MBTD1: variants seen among roughly 807,000 people sequenced by gnomAD.
MBTD1 encodes the protein MBT domain-containing protein 1.
In MBTD1, 24 loss-of-function variants were observed where a neutral mutation model predicts 87.8. That is an observed-to-expected ratio of 0.27 (90% CI 0.20 to 0.38). MBTD1 has a LOEUF of 0.38. Ranked by LOEUF, MBTD1 falls within the 10% of genes least tolerant of loss-of-function variation. MBTD1 has a pLI of 1.00. For synonymous variants in MBTD1, 237 were observed against 248.6 expected (o/e 0.95, Z 0.44); for missense variants, 436 against 760.2 (o/e 0.57, Z 5.02).
At chr17:51,196,259 C>T (rs1433970405) in intron 12 of MBTD1, among the ~76,000 whole-genome samples, 4 of 146,594 alleles carry the variant, frequency 2.7e-5, no homozygotes, top group Non-Finnish European at 6.0e-5. Context: ...GAGTTTCCCT[C>T]GTCACCTAGG....
intron 2 of MBTD1, among the ~76,000 whole-genome samples, chr17:51,243,636 T>G (rs1010342920): frequency 6.6e-6 from 1 of 152,150 alleles, no homozygotes; most frequent in Non-Finnish European, 1.5e-5. Flanking sequence ...AAGACCAGGA[T>G]CACATAAAAA....
intron 4 of MBTD1, among the ~76,000 whole-genome samples, chr17:51,219,577 G>T (rs2052768260): frequency 6.6e-6 from 1 of 152,148 alleles, no homozygotes; most frequent in Non-Finnish European, 1.5e-5. Context: ...TTTAGGTACT[G>T]TCTATCTGAA....
intron 2 of MBTD1, among the ~76,000 whole-genome samples, chr17:51,244,801 C>T (rs979453399): frequency 1.3e-5 from 2 of 152,176 alleles, no homozygotes; most frequent in African/African-American, 2.4e-5. Context: ...TATACCTATG[C>T]TGCTCCAGCC....
Position 51,177,812 on chromosome 17 carries a change from AT to A in MBTD1, c.*2763del, listed in dbSNP as rs1450424528. ...AAATGACTGTGGCTTTATTTAAAATATGAAAATCAAAGGAAGAAACCCAGTT... is the reference window on the plus strand; with the variant it reads ...AAATGACTGTGGCTTTATTTAAAATAGAAAATCAAAGGAAGAAACCCAGTT... On this transcript the variant is annotated 3_prime_UTR_variant, in exon 17 of 17. Coordinates refer to ENST00000586178, the MANE Select transcript of MBTD1 (RefSeq NM_017643.3). 9 of 152,202 alleles carry A rather than the reference AT, an allele frequency of 5.9e-5. No individual in the cohort carries two copies. Among genetic ancestry groups the A allele is most frequent in the African/African-American group, 2.4e-5 (1 of 41,458 alleles). 9.4% of individuals were successfully genotyped at this position (152,202 alleles called of 1,614,324 possible).
intron 2 of MBTD1, among the ~76,000 whole-genome samples, chr17:51,227,102 T>C (rs1247173910): frequency 6.6e-6 from 1 of 151,614 alleles, no homozygotes; most frequent in Admixed American, 6.6e-5. Flanking sequence ...ATTAGTTGGG[T>C]GTGGTGCCAG....
intron 2 of MBTD1, among the ~76,000 whole-genome samples, chr17:51,234,940 C>T (rs540045295): frequency 6.6e-6 from 1 of 152,270 alleles, no homozygotes; most frequent in Admixed American, 6.5e-5. Context: ...AGGTGATCTG[C>T]CCACCTTGGC....
chr17:51,249,097 A>AC lies in MBTD1; in HGVS notation c.-49+10045_-49+10046insG, dbSNP rs111568975. Among the ~76,000 whole-genome samples the AC allele has an allele frequency of 1.5e-4, 22 of 151,008 alleles. 1 individual carries two copies. The highest frequency in any genetic ancestry group is 5.3e-4 in the African/African-American group (22 of 41,334). The stretch of plus-strand genomic sequence containing the variant: ...GAGACTTCGTCTCTACAATAAGCAA[A>AC]AAAAAAAAAAAAATTAGCTGGGCAT... On this transcript the variant is annotated intron_variant, in intron 2 of 16. Coordinates refer to ENST00000586178, the MANE Select transcript of MBTD1 (RefSeq NM_017643.3).
At chr17:51,185,446 C>T (rs537731176) in intron 16 of MBTD1, 1 of 152,212 alleles carries the variant, frequency 6.6e-6, no homozygotes, top group Non-Finnish European at 1.5e-5. Context: ...ACCAATTACA[C>T]TCGAATCAAA....
intron 16 of MBTD1, chr17:51,184,254 G>A (rs1344796071): frequency 2.6e-5 from 4 of 152,192 alleles, no homozygotes; most frequent in Admixed American, 2.6e-4. Context: ...AATGATGGAT[G>A]AAATAAAACA....
At chr17:51,246,915 C>T (rs766151640) in intron 2 of MBTD1, among the ~76,000 whole-genome samples, 1 of 152,108 alleles carries the variant, frequency 6.6e-6, no homozygotes, top group Admixed American at 6.6e-5. Flanking sequence ...GCTGGGATTA[C>T]AGGTGTGAGT....
intron 2 of MBTD1, among the ~76,000 whole-genome samples, chr17:51,252,219 C>T (rs1355919969): frequency 2.6e-5 from 4 of 151,942 alleles, no homozygotes; most frequent in Admixed American, 2.6e-4. Flanking sequence ...AAGCAGTGGC[C>T]CAAATAGGCT....
intron 2 of MBTD1, among the ~76,000 whole-genome samples, chr17:51,230,251 G>A (rs2053475864): frequency 6.6e-6 from 1 of 152,196 alleles, no homozygotes; most frequent in South Asian, 2.1e-4. Context: ...ATGTGGAAGG[G>A]AATGGGACAA....
chr17:51,230,630 G>T (rs1028687443), intron 2 of MBTD1, among the ~76,000 whole-genome samples: 1 of 152,130 alleles, frequency 6.6e-6, no homozygotes, highest in Non-Finnish European at 1.5e-5. Flanking sequence ...TCTGATGCTG[G>T]CATATTCTAG....
intron 7 of MBTD1, among the ~76,000 whole-genome samples, chr17:51,204,457 A>C (rs1333268874): frequency 2.8e-5 from 4 of 144,050 alleles, no homozygotes. Context: ...ATATAAACAT[A>C]TAAAAATACA....
In MBTD1 at chr17:51,180,193, T is replaced by C. The variant is rs1339755209; in HGVS notation, c.*383A>G. On this transcript the variant is annotated 3_prime_UTR_variant, in exon 17 of 17. Transcript: ENST00000586178. ...AGGTACCAAAAAGGTTCATTTGTAA[T>C]GACAGTTCATTTGCATTTAACAGCT... 1.2e-5 allele frequency: 2 copies of C among 165,258 alleles called. No homozygotes were observed. The highest frequency in any genetic ancestry group is 2.4e-5 in the African/African-American group (1 of 41,532). 10.2% of individuals were successfully genotyped at this position (165,258 alleles called of 1,614,324 possible). A position where few individuals can be genotyped will look rare whatever the true frequency, so the allele number is the denominator to read the frequency against.
intron 2 of MBTD1, among the ~76,000 whole-genome samples, chr17:51,233,596 A>C (rs1208728645): frequency 1.3e-5 from 2 of 152,170 alleles, no homozygotes; most frequent in African/African-American, 4.8e-5. Flanking sequence ...AGTTCAACCT[A>C]GAAGATCCAA....
At chr17:51,210,924 G>T (rs1006406311) in intron 6 of MBTD1, among the ~76,000 whole-genome samples, 1 of 151,720 alleles carries the variant, frequency 6.6e-6, no homozygotes, top group African/African-American at 2.4e-5. Flanking sequence ...ATCACTTGAG[G>T]CCAGGAGTTC....
chr17:51,196,396 G>A (rs1048164827), intron 12 of MBTD1, among the ~76,000 whole-genome samples: 2 of 151,088 alleles, frequency 1.3e-5, no homozygotes, highest in African/African-American at 4.9e-5. Flanking sequence ...GCTAATTTTT[G>A]TATTTTTAGT....
At position 51,187,540 on chromosome 17, in the gene MBTD1, C is replaced by T. The variant is rs2050595178; in HGVS notation, c.1768+4663G>A. Among the ~76,000 whole-genome samples, 3 of 151,908 alleles carry T rather than the reference C, an allele frequency of 2.0e-5. No individual in the cohort carries two copies. In the South Asian group the frequency reaches 6.2e-4, roughly 31 times the overall value. The stretch of plus-strand genomic sequence containing the variant: ...AAATATTGAAGAACCAGGCATAGTG[C>T]ATTAATCATATTGAAAGCTGAAGGA... On this transcript the variant is annotated intron_variant, in intron 16 of 16. Transcript: ENST00000586178.
Sources: allele counts gnomAD v4.1 joint callset (sites outside exome capture counted in the v4.1 genomes callset), GRCh38; gene constraint gnomAD v4.1.1; transcripts MANE v1.5; gene names NCBI Gene and HGNC (gene_info 2026-07-23, HGNC 2026-07-21).